Variants in SLC67A2 observed in about 807,000 individuals in gnomAD.
SLC67A2 encodes solute carrier family 67 member A2.
At chr2:102,726,815 T>TTA in the SLC67A2 span, 9 of 1,444,562 alleles carry the variant, frequency 6.2e-6, no homozygotes, top group Non-Finnish European at 7.2e-6. Context: ...AAGCTACGTT[T>TTA]GAAAAAAAAA....
chr2:102,732,906 A>G, the SLC67A2 span, among the ~76,000 whole-genome samples: 1 of 152,196 alleles, frequency 6.6e-6, no homozygotes, highest in East Asian at 1.9e-4. Flanking sequence ...AGTCATAGAA[A>G]GTGAATGGGC....
the SLC67A2 span, among the ~76,000 whole-genome samples, chr2:102,722,367 G>C: frequency 6.6e-6 from 1 of 152,248 alleles, no homozygotes; most frequent in South Asian, 2.1e-4. Context: ...GGAAGGCAGA[G>C]AGAGGGGCAG....
At chr2:102,715,163 A>C in the SLC67A2 span, among the ~76,000 whole-genome samples, 2 of 152,156 alleles carry the variant, frequency 1.3e-5, no homozygotes, top group African/African-American at 4.8e-5. Flanking sequence ...TTGGGCCTCC[A>C]GTTAATCCTC....
the SLC67A2 span, among the ~76,000 whole-genome samples, chr2:102,729,643 G>T: frequency 2.0e-5 from 3 of 152,242 alleles, no homozygotes; most frequent in African/African-American, 7.2e-5. Context: ...GGCAATGACA[G>T]ATGACTCTTA....
the SLC67A2 span, among the ~76,000 whole-genome samples, chr2:102,721,363 T>C: frequency 6.6e-6 from 1 of 152,198 alleles, no homozygotes; most frequent in South Asian, 2.1e-4. Flanking sequence ...AGTAAATTCC[T>C]GGCAACAAAT....
the SLC67A2 span, among the ~76,000 whole-genome samples, chr2:102,714,926 C>T: frequency 6.6e-6 from 1 of 152,166 alleles, no homozygotes; most frequent in Non-Finnish European, 1.5e-5. Flanking sequence ...TGGACTGATT[C>T]TCACTCCTGA....
chr2:102,719,270 T>C, the SLC67A2 span: 1 of 1,498,372 alleles, frequency 6.7e-7, no homozygotes, highest in African/African-American at 1.4e-5. Flanking sequence ...CACTACCTCC[T>C]TGGGGAAGGG....
the SLC67A2 span, chr2:102,732,056 G>C: frequency 1.7e-6 from 1 of 590,822 alleles, no homozygotes; most frequent in African/African-American, 1.8e-5. Flanking sequence ...CCTTGCAGAG[G>C]CTCCATAAGT....
the SLC67A2 span, chr2:102,727,123 G>C: frequency 2.6e-6 from 2 of 782,860 alleles, no homozygotes; most frequent in Non-Finnish European, 1.9e-6. Flanking sequence ...ATTTGTCAGA[G>C]TAAGTTATTT....
the SLC67A2 span, among the ~76,000 whole-genome samples, chr2:102,727,400 C>T: frequency 6.6e-6 from 1 of 152,084 alleles, no homozygotes; most frequent in Non-Finnish European, 1.5e-5. Context: ...CCTAAATGTA[C>T]CTATATTTTA....
At chr2:102,726,816 G>A in the SLC67A2 span, 975 of 1,303,108 alleles carry the variant, frequency 7.5e-4, no homozygotes, top group Admixed American at 2.1e-3. Flanking sequence ...AGCTACGTTT[G>A]AAAAAAAAAA....
the SLC67A2 span, chr2:102,718,707 AGAG>A: frequency 1.9e-6 from 3 of 1,613,814 alleles, no homozygotes; most frequent in African/African-American, 4.0e-5. Flanking sequence ...AGAGTGGAGG[AGAG>A]GACAACTGCA....
chr2:102,716,608 A>C, the SLC67A2 span: 1 of 152,246 alleles, frequency 6.6e-6, no homozygotes, highest in Non-Finnish European at 1.5e-5. Flanking sequence ...ATTTATCATA[A>C]ATATTTGATT....
At chr2:102,726,929 A>C in the SLC67A2 span, 1 of 1,613,670 alleles carries the variant, frequency 6.2e-7, no homozygotes, top group Non-Finnish European at 8.5e-7. Context: ...AGTAGAATGC[A>C]TGCCAGCAAG....
At chr2:102,726,861 C>A in the SLC67A2 span, 1 of 1,606,796 alleles carries the variant, frequency 6.2e-7, no homozygotes, top group South Asian at 1.1e-5. Flanking sequence ...GGACTCTAGC[C>A]AGGACAAACA....
At chr2:102,732,564 T>C in the SLC67A2 span, 1 of 604,474 alleles carries the variant, frequency 1.7e-6, no homozygotes, top group Admixed American at 3.2e-5. Flanking sequence ...ACAAATCCGC[T>C]GCCACTTGCA....
At chr2:102,715,027 G>C in the SLC67A2 span, among the ~76,000 whole-genome samples, 2 of 152,178 alleles carry the variant, frequency 1.3e-5, no homozygotes, top group South Asian at 4.1e-4. Flanking sequence ...CATCACCTGG[G>C]AATTATTCAC....
the SLC67A2 span, among the ~76,000 whole-genome samples, chr2:102,728,689 C>T: frequency 6.6e-6 from 1 of 152,192 alleles, no homozygotes; most frequent in Non-Finnish European, 1.5e-5. Flanking sequence ...CTGGGATTTA[C>T]ACCCTGGCCC....
the SLC67A2 span, among the ~76,000 whole-genome samples, chr2:102,722,853 A>G: frequency 5.9e-5 from 9 of 152,346 alleles, no homozygotes; most frequent in African/African-American, 2.2e-4. Flanking sequence ...TCTGCAAAGC[A>G]AAAAGTAACC....
Sources: gnomAD v4.1 joint callset for allele counts (sites outside exome capture counted in the v4.1 genomes callset) on GRCh38, gnomAD v4.1.1 for gene constraint, MANE v1.5 for transcripts, NCBI Gene and HGNC (gene_info 2026-07-23, HGNC 2026-07-21) for gene names.